The following C1orf87 variants were observed in gnomAD, a reference collection of about 807,000 sequenced individuals.
C1orf87 encodes uncharacterized protein C1orf87.
A neutral mutation model predicts 60.5 loss-of-function variants in C1orf87; 58 were observed. The ratio of observed to expected loss-of-function variants is 0.96; its 90% CI spans 0.78 to 1.19. The LOEUF is 1.19. Ranked by LOEUF, C1orf87 falls within the 50% of genes most tolerant of loss-of-function variation. The pLI is 0.00. For missense variants in C1orf87, 673 were observed against 638.6 expected (o/e 1.05, Z -0.58); for synonymous variants, 236 against 227.4 (o/e 1.04, Z -0.34).
At chr1:60,004,345 T>C (rs1028624890) in intron 9 of C1orf87, among the ~76,000 whole-genome samples, 4 of 152,190 alleles carry the variant, frequency 2.6e-5, no homozygotes, top group African/African-American at 9.6e-5. Flanking sequence ...TTCAAGGTAT[T>C]ATTATCTGTT....
intron 7 of C1orf87, among the ~76,000 whole-genome samples, chr1:60,026,828 T>G (rs1352055380): frequency 6.6e-6 from 1 of 152,200 alleles, no homozygotes; most frequent in Non-Finnish European, 1.5e-5. Context: ...AAGTGCAGAA[T>G]TCTACACATT....
chr1:60,046,443 C>T (rs1465520570), intron 3 of C1orf87, among the ~76,000 whole-genome samples: 10 of 106,966 alleles, frequency 9.3e-5, no homozygotes, highest in South Asian at 7.0e-4. Flanking sequence ...CCTTCTTCTT[C>T]TTTTTTTTTT....
chr1:60,044,694 A>G (rs1645353297), intron 3 of C1orf87, among the ~76,000 whole-genome samples: 1 of 152,252 alleles, frequency 6.6e-6, no homozygotes, highest in South Asian at 2.1e-4. Context: ...TCATTTTTCC[A>G]AAGTGAAGAG....
intron 9 of C1orf87, among the ~76,000 whole-genome samples, chr1:60,004,844 G>A (rs924872459): frequency 3.9e-5 from 6 of 151,914 alleles, no homozygotes; most frequent in East Asian, 1.9e-4. Flanking sequence ...TGATAGTTAC[G>A]TAGCCAGCGC....
In C1orf87 at chr1:60,046,698, C is replaced by T. The variant is rs544234744; in HGVS notation, c.343-5567G>A. Among the ~76,000 whole-genome samples, 3 of 152,234 alleles carry T rather than the reference C, an allele frequency of 2.0e-5. No individual in the cohort carries two copies. In the South Asian group the frequency reaches 6.2e-4, roughly 32 times the overall value. On this transcript the variant is annotated intron_variant, in intron 3 of 11. Coordinates refer to ENST00000371201, the MANE Select transcript of C1orf87 (RefSeq NM_152377.3). ...AGCAATCCTCCTACCTTGACCCCCT[C>T]AAAGTGTTGGGACTACAGGCATGAG... is the stretch of plus-strand genomic sequence containing the variant.
chr1:60,058,867 CA>C (rs1433406492), intron 2 of C1orf87, among the ~76,000 whole-genome samples: 1 of 152,032 alleles, frequency 6.6e-6, no homozygotes, highest in East Asian at 1.9e-4. Flanking sequence ...GATTTGAAGG[CA>C]AAAATGGTCT....
intron 2 of C1orf87, among the ~76,000 whole-genome samples, chr1:60,069,199 T>G (rs1318925743): frequency 1.3e-5 from 2 of 152,154 alleles, no homozygotes; most frequent in Non-Finnish European, 2.9e-5. Flanking sequence ...AGCACGTCAT[T>G]AAATTTTTAT....
At chr1:59,992,184 G>A (rs1336364948) in intron 11 of C1orf87, among the ~76,000 whole-genome samples, 4 of 151,950 alleles carry the variant, frequency 2.6e-5, no homozygotes. Context: ...ACTACAGTAC[G>A]TTATGGAATG....
chr1:60,015,208 A>C (rs537749731), intron 8 of C1orf87, among the ~76,000 whole-genome samples: 1 of 152,284 alleles, frequency 6.6e-6, no homozygotes, highest in Non-Finnish European at 1.5e-5. Flanking sequence ...CAGAGCCCTC[A>C]TGCATGGGAT....
chr1:60,035,951 C>G (rs1645272962), intron 6 of C1orf87, among the ~76,000 whole-genome samples: 2 of 152,190 alleles, frequency 1.3e-5, no homozygotes, highest in African/African-American at 4.8e-5. Context: ...TCAGCAAAGG[C>G]TTTCTGTCTA....
chr1:60,072,409 C>G, intron 2 of C1orf87, 128 bp downstream of exon 2: 1 of 636,596 alleles, frequency 1.6e-6, no homozygotes. Flanking sequence ...TTTACCTCTA[C>G]TGTTGCATCT....
chr1:60,036,008 G>T (rs888554013), intron 6 of C1orf87, among the ~76,000 whole-genome samples: 1 of 152,112 alleles, frequency 6.6e-6, no homozygotes, highest in African/African-American at 2.4e-5. Flanking sequence ...GTTTTCTACC[G>T]CATGGTCTAT....
At position 60,030,862 on chromosome 1, in the gene C1orf87, C is replaced by A. The variant is rs183472340; in HGVS notation, c.1029+2614G>T. ...GTCCGCAGAATGAAGATGACAGATA[C>A]TTTATATGCTTCTATACTGATCTTT... On this transcript the variant is annotated intron_variant, in intron 7 of 11. Coordinates refer to ENST00000371201, the MANE Select transcript of C1orf87 (RefSeq NM_152377.3). 1.8e-3 allele frequency among the ~76,000 whole-genome samples: 275 copies of A among 152,298 alleles called. 1 individual carries two copies. The highest frequency in any genetic ancestry group is 6.8e-3 in the Middle Eastern group (2 of 294).
At position 59,990,592 on chromosome 1, in the gene C1orf87, A is replaced by T; in HGVS notation, c.*81T>A. On this transcript the variant is annotated 3_prime_UTR_variant, in exon 12 of 12. Transcript: ENST00000371201. Reference sequence around the variant, plus strand: ...CCACTCTGACAATGCCTCCGCCACTACACTTAGGCTGGGGAGAAACATGTG... The same window carrying T: ...CCACTCTGACAATGCCTCCGCCACTTCACTTAGGCTGGGGAGAAACATGTG... The T allele has an allele frequency of 6.5e-7, 1 of 1,527,448 alleles. No homozygotes were observed. Among genetic ancestry groups the T allele is most frequent in the Non-Finnish European group, 8.9e-7 (1 of 1,120,918 alleles). The allele number at this position is 1,527,448 out of a possible 1,614,324, so 94.6% of individuals were successfully genotyped here. A position where few individuals can be genotyped will look rare whatever the true frequency, so the allele number is the denominator to read the frequency against.
intron 8 of C1orf87, among the ~76,000 whole-genome samples, chr1:60,023,964 G>C (rs1221635765): frequency 6.6e-6 from 1 of 152,096 alleles, no homozygotes; most frequent in Non-Finnish European, 1.5e-5. Flanking sequence ...TTTATCTCTA[G>C]AAGTTCTATT....
intron 8 of C1orf87, among the ~76,000 whole-genome samples, chr1:60,024,370 T>A (rs1275105569): frequency 1.3e-5 from 2 of 152,212 alleles, no homozygotes; most frequent in Non-Finnish European, 2.9e-5. Context: ...TGTACTTTTT[T>A]AAGGTTTCTA....
At chr1:60,022,076 G>A (rs1645167291) in intron 8 of C1orf87, among the ~76,000 whole-genome samples, 1 of 150,924 alleles carries the variant, frequency 6.6e-6, no homozygotes, top group Non-Finnish European at 1.5e-5. Context: ...TGGAGCCAAA[G>A]TGATGGGGGA....
At chr1:60,020,406 C>A (rs772545841) in intron 8 of C1orf87, among the ~76,000 whole-genome samples, 4 of 152,196 alleles carry the variant, frequency 2.6e-5, no homozygotes, top group Non-Finnish European at 4.4e-5. Context: ...TCAATGCAAG[C>A]CTGTGAAAGC....
chr1:59,997,200 A>G (rs572910063), intron 11 of C1orf87, among the ~76,000 whole-genome samples: 74 of 152,256 alleles, frequency 4.9e-4, no homozygotes, highest in African/African-American at 1.8e-3. Context: ...CAAGTTATTC[A>G]TTATTACTGG....
Sources: allele counts gnomAD v4.1 joint callset (sites outside exome capture counted in the v4.1 genomes callset), GRCh38; gene constraint gnomAD v4.1.1; transcripts MANE v1.5; gene names NCBI Gene and HGNC (gene_info 2026-07-23, HGNC 2026-07-21).